TANC1: variants seen among roughly 807,000 people sequenced by gnomAD.
The protein encoded by TANC1 is tetratricopeptide repeat, ankyrin repeat and coiled-coil containing 1, also known as protein TANC1.
TANC1 carries 77 observed loss-of-function variants against 149.7 expected under a neutral mutation model. That is an observed-to-expected ratio of 0.51 (90% confidence interval 0.43 to 0.62). The LOEUF (loss-of-function observed/expected upper bound fraction) is 0.62, where lower values mean the gene tolerates loss of function less well. Ranked by LOEUF, TANC1 falls within the 20% of genes least tolerant of loss-of-function variation. TANC1 has a pLI of 0.00. For synonymous variants in TANC1, 854 were observed against 925.0 expected (o/e 0.92, Z 1.39); for missense variants, 1,985 against 2,321.8 (o/e 0.85, Z 2.98).
intron 2 of TANC1, among the ~76,000 whole-genome samples, chr2:159,010,072 C>T (rs1193055578): frequency 6.6e-6 from 1 of 152,140 alleles, no homozygotes; most frequent in Non-Finnish European, 1.5e-5. Context: ...TATTAAAGAA[C>T]CAGAGGAAAT....
At chr2:159,191,528 G>T (rs553107114) in intron 16 of TANC1, among the ~76,000 whole-genome samples, 2 of 152,242 alleles carry the variant, frequency 1.3e-5, no homozygotes, top group East Asian at 3.9e-4. Context: ...CACAGCACGT[G>T]TTGGGTCCAA....
intron 4 of TANC1, among the ~76,000 whole-genome samples, chr2:159,130,814 G>C (rs1215536821): frequency 6.6e-6 from 1 of 152,090 alleles, no homozygotes; most frequent in Non-Finnish European, 1.5e-5. Flanking sequence ...CCAAGTAGCT[G>C]GGACTACAGG....
At chr2:159,162,380 C>T (rs986973531) in intron 7 of TANC1, among the ~76,000 whole-genome samples, 1 of 152,048 alleles carries the variant, frequency 6.6e-6, no homozygotes, top group Non-Finnish European at 1.5e-5. Context: ...CCCCTGTTCT[C>T]AAGGACGCAG....
chr2:159,107,247 G>A (rs1437266907), intron 4 of TANC1, among the ~76,000 whole-genome samples: 4 of 151,966 alleles, frequency 2.6e-5, no homozygotes, highest in African/African-American at 7.3e-5. Flanking sequence ...GGCTGGTCTC[G>A]AACTCCAGAC....
chr2:159,156,648 G>A (rs965138973), intron 7 of TANC1, among the ~76,000 whole-genome samples: 8 of 152,180 alleles, frequency 5.3e-5, no homozygotes, highest in South Asian at 2.1e-4. Context: ...TACCTCTGAC[G>A]GAAGATGTAT....
chr2:159,101,154 G>C lies in TANC1; in HGVS notation c.259+3320G>C, dbSNP rs1357093016. Among the ~76,000 whole-genome samples, 4 of 151,888 alleles carry C rather than the reference G, an allele frequency of 2.6e-5. No homozygotes were observed. The East Asian group carries it at 5.8e-4, about 22-fold the overall frequency. ...CCCCACCCCTGCCAATTCCTCTCTTGTTCAAGGTTAAAAAACAAAAACAAA... is the reference window on the plus strand; with the variant it reads ...CCCCACCCCTGCCAATTCCTCTCTTCTTCAAGGTTAAAAAACAAAAACAAA... On this transcript the variant is annotated intron_variant, in intron 4 of 26. Coordinates refer to ENST00000263635, the MANE Select transcript of TANC1 (RefSeq NM_033394.3).
At chr2:159,102,981 G>A (rs2046886486) in intron 4 of TANC1, among the ~76,000 whole-genome samples, 1 of 92,410 alleles carries the variant, frequency 1.1e-5, no homozygotes, top group African/African-American at 3.0e-5. Flanking sequence ...GCCTCCCAGA[G>A]TGCTGGGATT....
intron 4 of TANC1, among the ~76,000 whole-genome samples, chr2:159,107,075 T>TG (rs1237488610): frequency 6.6e-6 from 1 of 152,252 alleles, no homozygotes; most frequent in Non-Finnish European, 1.5e-5. Flanking sequence ...TCGCCCAGGC[T>TG]GGTGTGCAAT....
intron 1 of TANC1, among the ~76,000 whole-genome samples, chr2:158,979,660 A>T (rs1212207133): frequency 6.6e-6 from 1 of 152,172 alleles, no homozygotes; most frequent in African/African-American, 2.4e-5. Flanking sequence ...CTGTAAATCC[A>T]GTAATTTATT....
At chr2:159,130,701 G>A (rs563882248) in intron 4 of TANC1, among the ~76,000 whole-genome samples, 11 of 152,210 alleles carry the variant, frequency 7.2e-5, no homozygotes, top group African/African-American at 2.2e-4. Context: ...TCTATAGGGC[G>A]TTTCTTCTTT....
intron 2 of TANC1, among the ~76,000 whole-genome samples, chr2:159,025,227 T>TTCTTTC (rs1553519958): frequency 2.0e-5 from 3 of 150,784 alleles, no homozygotes; most frequent in East Asian, 1.9e-4. Context: ...CTTTCTTTCT[T>TTCTTTC]TCTTTCTTTC....
chr2:159,197,028 G>A (rs754382727), intron 18 of TANC1, among the ~76,000 whole-genome samples: 7 of 152,130 alleles, frequency 4.6e-5, no homozygotes, highest in Non-Finnish European at 8.8e-5. Flanking sequence ...GCCTTTTGAT[G>A]ACATTCACTC....
chr2:159,049,848 T>C (rs1422639857), intron 2 of TANC1, among the ~76,000 whole-genome samples: 2 of 152,042 alleles, frequency 1.3e-5, no homozygotes, highest in African/African-American at 4.8e-5. Flanking sequence ...GTTTTGGACA[T>C]GTTGAGGTAT....
rs1464472795 is a variant in TANC1, at chr2:159,230,175, G to A, written c.4749G>A (p.Glu1583=). The A allele has an allele frequency of 1.9e-6, 3 of 1,614,098 alleles. No individual in the cohort carries two copies. The highest frequency in any genetic ancestry group is 3.3e-5 in the Admixed American group (2 of 60,026). Residue 1583 remains glutamate, a synonymous_variant, in exon 27 of 27, where the codon GAG becomes GAA. Transcript: ENST00000263635. This position sits in a 1 kb window ranked among gnomAD's most constrained non-coding sequence, Gnocchi z 4.4. ...CTGGGAGCAGAACCCAGCATTTAGAGGGAACAGGTACTTTCACTACAAGAG... is the reference window on the plus strand; with the variant it reads ...CTGGGAGCAGAACCCAGCATTTAGAAGGAACAGGTACTTTCACTACAAGAG... ...TPAGSRTQHL[E]GTGTFTTRAG...
intron 8 of TANC1, among the ~76,000 whole-genome samples, chr2:159,166,196 T>A (rs541008160): frequency 5.3e-5 from 8 of 152,228 alleles, no homozygotes; most frequent in Non-Finnish European, 1.2e-4. Flanking sequence ...TTCTATTTTT[T>A]ACCTTTCAAA....
At chr2:159,228,935 T>G in intron 26 of TANC1, 39 bp downstream of exon 26, 1 of 1,526,256 alleles carries the variant, frequency 6.6e-7, no homozygotes, top group Admixed American at 1.7e-5. Flanking sequence ...GAGCTTTTTT[T>G]CTTGTGGGAT....
At chr2:158,988,325 CAAAAAAA>C (rs1285907133) in intron 1 of TANC1, among the ~76,000 whole-genome samples, 9 of 87,424 alleles carry the variant, frequency 1.0e-4, no homozygotes, top group South Asian at 4.2e-4. Context: ...GACCCTGTCC[CAAAAAAA>C]AAAAAAAAAA....
chr2:159,075,021 T>C (rs895890987), intron 3 of TANC1, among the ~76,000 whole-genome samples: 1 of 152,108 alleles, frequency 6.6e-6, no homozygotes, highest in South Asian at 2.1e-4. Flanking sequence ...TACTGTCACA[T>C]TGGGAGTTAG....
intron 7 of TANC1, among the ~76,000 whole-genome samples, chr2:159,152,854 A>G (rs2053003261): frequency 6.6e-6 from 1 of 152,144 alleles, no homozygotes; most frequent in Admixed American, 6.5e-5. Flanking sequence ...ACAGTGCCAC[A>G]ATTTTTAAGG....
Sources: allele counts gnomAD v4.1 joint callset (sites outside exome capture counted in the v4.1 genomes callset), GRCh38; gene constraint gnomAD v4.1.1; non-coding constraint Gnocchi (gnomAD v3.1); transcripts MANE v1.5; gene names NCBI Gene and HGNC (gene_info 2026-07-23, HGNC 2026-07-21).